The following OCA2 variants were observed in gnomAD, a reference collection of about 807,000 sequenced individuals.
OCA2 encodes the protein OCA2 melanosomal transmembrane protein.
Under a neutral mutation model 100.2 loss-of-function variants are expected in OCA2, and 77 were observed. The ratio of observed to expected loss-of-function variants is 0.77; its 90% confidence interval spans 0.64 to 0.93. OCA2 has a LOEUF of 0.93. Among genes scored for constraint, OCA2 ranks in the 40% least tolerant of loss-of-function variants. The pLI is 0.00. For missense variants in OCA2, 1,062 were observed against 1,089.1 expected (o/e 0.98, Z 0.35); for synonymous variants, 432 against 439.2 (o/e 0.98, Z 0.21).
chr15:27,820,579 G>A (rs1433470444), intron 23 of OCA2, among the ~76,000 whole-genome samples: 1 of 152,208 alleles, frequency 6.6e-6, no homozygotes, highest in African/African-American at 2.4e-5. Flanking sequence ...TCACAGCTAA[G>A]AAGGGACTTG....
At chr15:27,827,908 C>T (rs9806561) in intron 23 of OCA2, among the ~76,000 whole-genome samples, 75,866 of 151,868 alleles carry the variant, frequency 0.5, 19,518 homozygotes, top group South Asian at 0.76. Flanking sequence ...TATATAGAAA[C>T]GAAGACACTT....
the OCA2 span, among the ~76,000 whole-genome samples, chr15:27,726,767 TAAA>T: frequency 6.6e-6 from 1 of 152,020 alleles, no homozygotes; most frequent in African/African-American, 2.4e-5. Context: ...TAAAATAAAA[TAAA>T]AAGAAGAAGG....
intron 19 of OCA2, among the ~76,000 whole-genome samples, chr15:27,881,873 G>A (rs1326367119): frequency 2.0e-5 from 3 of 151,674 alleles, no homozygotes; most frequent in South Asian, 2.1e-4. Flanking sequence ...TAGCTCCTTC[G>A]GCTTCACTCT....
At chr15:27,961,374 T>C (rs1418225475) in intron 15 of OCA2, among the ~76,000 whole-genome samples, 1 of 152,224 alleles carries the variant, frequency 6.6e-6, no homozygotes, top group Non-Finnish European at 1.5e-5. Flanking sequence ...GTTCAGCCAT[T>C]GTGGAAGACA....
chr15:28,032,541 T>C (rs1300175236), intron 2 of OCA2, among the ~76,000 whole-genome samples: 4 of 151,898 alleles, frequency 2.6e-5, no homozygotes, highest in South Asian at 2.1e-4. Context: ...ATCCCACCAC[T>C]TTGGGAGACT....
At chr15:27,865,487 A>G (rs969908779) in intron 21 of OCA2, among the ~76,000 whole-genome samples, 2 of 152,138 alleles carry the variant, frequency 1.3e-5, no homozygotes, top group African/African-American at 4.8e-5. Flanking sequence ...CAGGCACTGC[A>G]CCCTGTGTTC....
intron 18 of OCA2, among the ~76,000 whole-genome samples, chr15:27,929,825 A>AAATTTTTTTT (rs71132826): frequency 2.5e-4 from 37 of 149,080 alleles, no homozygotes; most frequent in Admixed American, 4.1e-4. Flanking sequence ...CAAATGGGAA[A>AAATTTTTTTT]TATTTTAAAC....
chr15:27,831,435 C>T (rs1380060456), intron 23 of OCA2, among the ~76,000 whole-genome samples: 1 of 152,206 alleles, frequency 6.6e-6, no homozygotes, highest in African/African-American at 2.4e-5. Flanking sequence ...GCTGAGCAGG[C>T]ACAGACTACC....
the OCA2 span, among the ~76,000 whole-genome samples, chr15:27,722,652 T>C: frequency 3.2e-5 from 3 of 94,142 alleles, no homozygotes; most frequent in Non-Finnish European, 7.1e-5. Flanking sequence ...CTTCCTTCTT[T>C]TCTCTCTTTC....
intron 19 of OCA2, among the ~76,000 whole-genome samples, chr15:27,891,259 T>C (rs563853225): frequency 6.6e-6 from 1 of 152,300 alleles, no homozygotes; most frequent in African/African-American, 2.4e-5. Context: ...GTATGTATAC[T>C]GTAGTCCTCT....
intron 2 of OCA2, among the ~76,000 whole-genome samples, chr15:28,048,766 G>C (rs996730668): frequency 1.3e-5 from 2 of 151,794 alleles, no homozygotes; most frequent in South Asian, 4.1e-4. Context: ...AGCACTTTGG[G>C]AGGCTAAGGT....
chr15:27,793,089 C>G (rs2151136404), intron 23 of OCA2, among the ~76,000 whole-genome samples: 1 of 152,240 alleles, frequency 6.6e-6, no homozygotes, highest in South Asian at 2.1e-4. Flanking sequence ...TTTATCCAAC[C>G]AGCTTTGAAA....
chr15:27,872,225 G>A (rs1421242524), intron 19 of OCA2, among the ~76,000 whole-genome samples: 1 of 152,202 alleles, frequency 6.6e-6, no homozygotes, highest in Non-Finnish European at 1.5e-5. Context: ...TAAAGATACT[G>A]TTCAATCGTA....
rs199724824 is a variant in OCA2 at position 27,902,215 on chromosome 15, T to G, written c.2079+23912A>C. Among the ~76,000 whole-genome samples the G allele has an allele frequency of 2.7e-3, 406 of 151,218 alleles. 3 individuals carry two copies. The highest frequency in any genetic ancestry group is 4.4e-3 in the Non-Finnish European group (301 of 67,834). Reference sequence around the variant, plus strand: ...GTCATGAAAAAAAAGTTGTTGTTGTTGTTGTTTTTTTCTATTTTTAGCAAA... The same window carrying G: ...GTCATGAAAAAAAAGTTGTTGTTGTGGTTGTTTTTTTCTATTTTTAGCAAA... On this transcript the variant is annotated intron_variant, in intron 19 of 23. Coordinates refer to ENST00000354638, the MANE Select transcript of OCA2 (RefSeq NM_000275.3).
chr15:27,747,786 C>A, the OCA2 span, among the ~76,000 whole-genome samples: 2 of 152,112 alleles, frequency 1.3e-5, no homozygotes, highest in Non-Finnish European at 2.9e-5. Flanking sequence ...CACATGAGTT[C>A]TTTCTCAACA....
chr15:28,096,009 G>C (rs1054678129), intron 1 of OCA2, among the ~76,000 whole-genome samples: 2 of 152,218 alleles, frequency 1.3e-5, no homozygotes, highest in African/African-American at 4.8e-5. Context: ...TATGCTTGCA[G>C]GGGCCTGGCT....
At chr15:28,002,525 G>A (rs759519614) in intron 9 of OCA2, among the ~76,000 whole-genome samples, 3 of 152,156 alleles carry the variant, frequency 2.0e-5, no homozygotes, top group Admixed American at 6.5e-5. Context: ...TTGGGGGCAG[G>A]AGCCCTTAAC....
intron 2 of OCA2, among the ~76,000 whole-genome samples, chr15:28,037,207 G>C (rs1345889846): frequency 6.6e-6 from 1 of 151,662 alleles, no homozygotes; most frequent in East Asian, 1.9e-4. Flanking sequence ...GGGACCAAGA[G>C]AAATCAAGAC....
At chr15:27,900,751 AAG>A (rs1460788573) in intron 19 of OCA2, among the ~76,000 whole-genome samples, 3 of 152,218 alleles carry the variant, frequency 2.0e-5, no homozygotes, top group African/African-American at 4.8e-5. Context: ...TCATGCTGGC[AAG>A]AACTGGCCGG....
Sources: allele counts gnomAD v4.1 joint callset (sites outside exome capture counted in the v4.1 genomes callset), GRCh38; gene constraint gnomAD v4.1.1; transcripts MANE v1.5; gene names NCBI Gene and HGNC (gene_info 2026-07-23, HGNC 2026-07-21).